Variants in VDAC1 observed in about 807,000 individuals in gnomAD.
The protein encoded by VDAC1 is non-selective voltage-gated ion channel VDAC1.
VDAC1 carries 10 observed loss-of-function variants against 34.7 expected under a neutral mutation model. The observed-to-expected ratio is 0.29, with a 90% CI of 0.18 to 0.49. The LOEUF (loss-of-function observed/expected upper bound fraction) is 0.49. Among genes scored for constraint, VDAC1 ranks in the 20% least tolerant of loss-of-function variants. The pLI is 0.99. For synonymous variants in VDAC1, 130 were observed against 136.0 expected (o/e 0.96, Z 0.30); for missense variants, 230 against 347.9 (o/e 0.66, Z 2.69).
chr5:134,071,317 G>T, the VDAC1 span, among the ~76,000 whole-genome samples: 3 of 152,230 alleles, frequency 2.0e-5, no homozygotes, highest in Admixed American at 2.0e-4. The surrounding 1 kb of genome is among the most constrained non-coding windows in gnomAD (Gnocchi z 4.1). Flanking sequence ...AAAGCGCCGC[G>T]TGTAGGGCGG....
At chr5:134,067,473 AC>A in the VDAC1 span, among the ~76,000 whole-genome samples, 1 of 149,836 alleles carries the variant, frequency 6.7e-6, no homozygotes. Context: ...TGTTTTTTAT[AC>A]TTTTAGTAGT....
chr5:133,983,738 T>C (rs1025982199), intron 5 of VDAC1, among the ~76,000 whole-genome samples: 1 of 152,130 alleles, frequency 6.6e-6, no homozygotes, highest in Non-Finnish European at 1.5e-5. Flanking sequence ...CTGAATCTCA[T>C]GTTGAAATGC....
chr5:134,036,750 G>A, the VDAC1 span, among the ~76,000 whole-genome samples: 7 of 151,746 alleles, frequency 4.6e-5, no homozygotes, highest in East Asian at 1.9e-4. Context: ...TCAGGAGATC[G>A]AGACCATCCT....
At chr5:134,038,899 TTTTGTGTC>T in the VDAC1 span, among the ~76,000 whole-genome samples, 1 of 104,478 alleles carries the variant, frequency 9.6e-6, no homozygotes, top group Non-Finnish European at 1.8e-5. Flanking sequence ...AATGAACCCA[TTTTGTGTC>T]TATCATTGAG....
At chr5:134,037,284 G>C in the VDAC1 span, among the ~76,000 whole-genome samples, 1 of 152,168 alleles carries the variant, frequency 6.6e-6, no homozygotes, top group Non-Finnish European at 1.5e-5. Flanking sequence ...TCAGATAAGA[G>C]GGAACTGAGG....
At chr5:134,080,724 C>G in the VDAC1 span, among the ~76,000 whole-genome samples, 2 of 152,128 alleles carry the variant, frequency 1.3e-5, no homozygotes, top group African/African-American at 4.8e-5. Flanking sequence ...GGACATGGTT[C>G]TATTCTAAAA....
chr5:133,976,164 C>A, intron 6 of VDAC1, 143 bp from the exon 7 acceptor site: 3 of 942,524 alleles, frequency 3.2e-6, no homozygotes, highest in Non-Finnish European at 4.8e-6. Context: ...AGAAGTTCAC[C>A]AAATTTCACA....
chr5:134,055,632 G>A, the VDAC1 span, among the ~76,000 whole-genome samples: 2 of 113,740 alleles, frequency 1.8e-5, no homozygotes, highest in African/African-American at 6.9e-5. Context: ...TAGAGACAGG[G>A]TTTCACCGTG....
chr5:133,989,782 C>A (rs1270100898), intron 5 of VDAC1, among the ~76,000 whole-genome samples: 4 of 152,192 alleles, frequency 2.6e-5, no homozygotes, highest in Non-Finnish European at 5.9e-5. Flanking sequence ...CCTGCCTCAG[C>A]CTCCCAAGTA....
chr5:134,090,453 G>C, the VDAC1 span, among the ~76,000 whole-genome samples: 6 of 152,186 alleles, frequency 3.9e-5, no homozygotes, highest in African/African-American at 1.4e-4. Flanking sequence ...TTCTCTCTGG[G>C]CCTCAGTTTT....
chr5:133,987,092 C>T (rs1181679296), intron 5 of VDAC1, among the ~76,000 whole-genome samples: 1 of 152,186 alleles, frequency 6.6e-6, no homozygotes, highest in Non-Finnish European at 1.5e-5. Flanking sequence ...GGTGTGGTGG[C>T]TCACACCTGT....
the VDAC1 span, among the ~76,000 whole-genome samples, chr5:134,020,070 C>A: frequency 3.0e-4 from 46 of 151,958 alleles, no homozygotes; most frequent in South Asian, 6.2e-4. Flanking sequence ...GCCTTTCCTG[C>A]TTGAAGAGAG....
the VDAC1 span, among the ~76,000 whole-genome samples, chr5:134,085,169 C>T: frequency 0.02 from 3,048 of 151,870 alleles, 88 homozygotes; most frequent in African/African-American, 0.069. Flanking sequence ...CCCGGGTTCA[C>T]GCCTTTCCCC....
At chr5:134,026,304 A>G in the VDAC1 span, among the ~76,000 whole-genome samples, 1 of 152,098 alleles carries the variant, frequency 6.6e-6, no homozygotes, top group Non-Finnish European at 1.5e-5. Context: ...TCAGAAGATC[A>G]AGACCATCCT....
chr5:134,079,498 G>C, the VDAC1 span, among the ~76,000 whole-genome samples: 11 of 152,156 alleles, frequency 7.2e-5, no homozygotes, highest in Non-Finnish European at 1.0e-4. Flanking sequence ...GAGAATGAGG[G>C]AACAAAAAAG....
At chr5:134,005,945 C>T (rs1485915614), upstream of VDAC1, among the ~76,000 whole-genome samples, 2 of 152,196 alleles carry the variant, frequency 1.3e-5, no homozygotes, top group Non-Finnish European at 2.9e-5. Context: ...GCGACACTAT[C>T]TAAAGCAGTG....
At chr5:134,078,647 C>CTT in the VDAC1 span, among the ~76,000 whole-genome samples, 3,747 of 118,336 alleles carry the variant, frequency 0.032, 281 homozygotes, top group African/African-American at 0.1. Context: ...CCTCAAGCAT[C>CTT]TTTTTTTTTT....
chr5:134,107,475 T>A, the VDAC1 span, among the ~76,000 whole-genome samples: 3 of 152,226 alleles, frequency 2.0e-5, no homozygotes, highest in Admixed American at 1.3e-4. Flanking sequence ...AGCCGGCTCC[T>A]CCAACCTGCA....
chr5:134,028,128 ATATTTATT>A, the VDAC1 span, among the ~76,000 whole-genome samples: 54 of 149,192 alleles, frequency 3.6e-4, no homozygotes, highest in Non-Finnish European at 7.0e-4. Context: ...ATACATTTAT[ATATTTATT>A]TATTTATTTA....
Sources: gnomAD v4.1 joint callset for allele counts (sites outside exome capture counted in the v4.1 genomes callset) on GRCh38, gnomAD v4.1.1 for gene constraint, Gnocchi (gnomAD v3.1) non-coding constraint, MANE v1.5 for transcripts, NCBI Gene and HGNC (gene_info 2026-07-23, HGNC 2026-07-21) for gene names.